GNPDA1: variants seen among roughly 807,000 people sequenced by gnomAD.
GNPDA1 encodes glucosamine-6-phosphate deaminase 1, also known as GNPDA 1.
Under a neutral mutation model 28.5 loss-of-function variants are expected in GNPDA1, and 24 were observed. That is an observed-to-expected ratio of 0.84 (90% CI 0.61 to 1.19). GNPDA1 has a LOEUF of 1.19. Among genes scored for constraint, GNPDA1 ranks in the 50% most tolerant of loss-of-function variants. The probability of loss-of-function intolerance (pLI) is 0.00; values close to 1 mark genes in which losing one functional copy is unlikely to be tolerated. For synonymous variants in GNPDA1, 147 were observed against 139.3 expected (o/e 1.06, Z -0.39); for missense variants, 264 against 367.3 (o/e 0.72, Z 2.30).
intron 2 of GNPDA1, among the ~76,000 whole-genome samples, chr5:142,008,795 A>G (rs1755869487): frequency 6.6e-6 from 1 of 152,220 alleles, no homozygotes; most frequent in South Asian, 2.1e-4. Flanking sequence ...CTGTATATTA[A>G]AAGACTAAAG....
At chr5:142,010,032 G>C (rs1755905002) in intron 2 of GNPDA1, among the ~76,000 whole-genome samples, 2 of 152,208 alleles carry the variant, frequency 1.3e-5, no homozygotes, top group Admixed American at 6.5e-5. Flanking sequence ...TTAGGAGACA[G>C]GATGTTAGCA....
rs183585302 is a variant in GNPDA1 at position 142,009,608 on chromosome 5, G to A, written c.125-1708C>T. On this transcript the variant is annotated intron_variant, in intron 2 of 6. Coordinates refer to ENST00000311337, the MANE Select transcript of GNPDA1 (RefSeq NM_005471.5). ...CCTGCTGAGTGAATGGCAGCTCCCC[G>A]CAGCCCACCCAAAATAATTAGTTGG... is the stretch of plus-strand genomic sequence containing the variant. Among the ~76,000 whole-genome samples the A allele has an allele frequency of 4.9e-4, 74 of 152,100 alleles. No individual in the cohort carries two copies. The East Asian group carries it at 0.011, about 22-fold the overall frequency.
chr5:142,010,333 A>G (rs1463682191), intron 2 of GNPDA1, among the ~76,000 whole-genome samples: 2 of 151,710 alleles, frequency 1.3e-5, no homozygotes, highest in East Asian at 3.9e-4. Context: ...TAATTTTTAT[A>G]TTTTTAGTAG....
At chr5:142,005,607 G>T (rs2127091245) in intron 4 of GNPDA1, among the ~76,000 whole-genome samples, 1 of 152,280 alleles carries the variant, frequency 6.6e-6, no homozygotes, top group Non-Finnish European at 1.5e-5. Flanking sequence ...TTGAAGTATA[G>T]AAGAGTGATC....
intron 2 of GNPDA1, among the ~76,000 whole-genome samples, chr5:142,009,767 T>G (rs1372473369): frequency 6.6e-6 from 1 of 152,146 alleles, no homozygotes; most frequent in Non-Finnish European, 1.5e-5. Context: ...TCTGCTTAAT[T>G]TAGCTGGAGT....
chr5:142,000,940 C>A lies in GNPDA1; in HGVS notation c.*1089G>T, dbSNP rs1413576566. The A allele has an allele frequency of 6.6e-6, 1 of 152,566 alleles. No individual in the cohort carries two copies. The highest frequency in any genetic ancestry group is 1.5e-5 in the Non-Finnish European group (1 of 68,108). 9.5% of individuals were successfully genotyped at this position (152,566 alleles called of 1,614,324 possible). On this transcript the variant is annotated 3_prime_UTR_variant, in exon 7 of 7. Transcript: ENST00000311337. ...AGACAATGAAAGGAAGCCAGAGCAACAGACCACCTTGGGATCCGGGGAGAA... is the reference window on the plus strand; with the variant it reads ...AGACAATGAAAGGAAGCCAGAGCAAAAGACCACCTTGGGATCCGGGGAGAA...
chr5:142,004,798 G>A (rs940549124), intron 5 of GNPDA1, 134 bp downstream of exon 5: 20 of 552,344 alleles, frequency 3.6e-5, no homozygotes, highest in Non-Finnish European at 5.4e-5. Context: ...TGAGTAACAG[G>A]GTCAGCAGGG....
chr5:142,007,712 C>G, intron 3 of GNPDA1, 87 bp downstream of exon 3: 1 of 773,238 alleles, frequency 1.3e-6, no homozygotes, highest in Non-Finnish European at 2.2e-6. Flanking sequence ...TCACTGGCTC[C>G]CCGATTCCTC....
At chr5:142,008,292 C>T (rs1354529237) in intron 2 of GNPDA1, among the ~76,000 whole-genome samples, 1 of 146,552 alleles carries the variant, frequency 6.8e-6, no homozygotes, top group East Asian at 1.9e-4. Flanking sequence ...ACAGTAGCTA[C>T]TCTAAGATAA....
At chr5:142,007,540 TTTA>T (rs1391388863) in intron 3 of GNPDA1, among the ~76,000 whole-genome samples, 2 of 152,168 alleles carry the variant, frequency 1.3e-5, no homozygotes, top group African/African-American at 4.8e-5. Flanking sequence ...TACTCTAATA[TTTA>T]TTAAGTATTT....
chr5:142,012,386 C>T (rs2127100125), intron 1 of GNPDA1: 1 of 181,166 alleles, frequency 5.5e-6, no homozygotes, highest in South Asian at 1.5e-4. Flanking sequence ...GACTTCACGA[C>T]GGGTAATATG....
At chr5:142,006,477 A>C (rs112859418) in intron 3 of GNPDA1, 151 bp from the exon 4 acceptor site, 21 of 590,476 alleles carry the variant, frequency 3.6e-5, no homozygotes, top group Non-Finnish European at 5.7e-5. Context: ...ACCCCTAGCC[A>C]CTCGGCACAG....
At position 142,002,041 on chromosome 5, in the gene GNPDA1, T is replaced by C. The variant is rs1297751618; in HGVS notation, c.858A>G (p.Pro286=). 7 of 1,570,670 alleles carry C rather than the reference T, an allele frequency of 4.5e-6. No homozygotes were observed. The African/African-American group carries it at 8.1e-5, about 18-fold the overall frequency. The change falls in exon 7 of 7, where the codon CCA becomes CCG. Residue 286 remains proline, a synonymous_variant. Transcript: ENST00000311337. The stretch of plus-strand genomic sequence containing the variant: ...GTCCCAGCACAGGCTAATCGCTGTA[T>C]GGTTTCTTCGAAGATTGGCTTTTCT... ...ETEKSQSSKK[P]YSD
chr5:142,004,917 C>A lies in GNPDA1; in HGVS notation c.594+15G>T, dbSNP rs1169080726. 1 of 1,559,552 alleles carries A rather than the reference C, an allele frequency of 6.4e-7. No individual in the cohort carries two copies. Among genetic ancestry groups the A allele is most frequent in the Admixed American group, 1.8e-5 (1 of 56,278 alleles). ...AGTCCACCAGCGCAAGCTGGTGGGG[C>A]CCTTATGCCCTTACCTCTCTAGCAT... On this transcript the variant is annotated intron_variant, in intron 5 of 6. Coordinates refer to ENST00000311337, the MANE Select transcript of GNPDA1 (RefSeq NM_005471.5).
chr5:142,012,091 G>C lies in GNPDA1; in HGVS notation c.-6-50C>G, dbSNP rs116277625. 12,277 of 1,541,376 alleles carry C rather than the reference G, an allele frequency of 8.0e-3. 70 individuals carry two copies. Among genetic ancestry groups the C allele is most frequent in the South Asian group, 0.015 (1,238 of 84,830 alleles). On this transcript the variant is annotated intron_variant, in intron 1 of 6. Transcript: ENST00000311337. ...AGAAAGGAATCAATGGTAAGGGGCA[G>C]AGAAAGAGATGGAGGTGGTGGGAGA...
chr5:142,005,109 G>T lies in GNPDA1; in HGVS notation c.417C>A (p.Gly139=). ...CGTTGAAGGCAATGTGTCCATCAGGGCCGATGCCTATAGGGAGAGAGCCCG... is the reference window on the plus strand; with the variant it reads ...CGTTGAAGGCAATGTGTCCATCAGGTCCGATGCCTATAGGGAGAGAGCCCG... ...GGIELFVGGI[G]PDGHIAFNEP... is the part of the protein sequence containing the mutation. Residue 139 remains glycine, a synonymous_variant, in exon 5 of 7, where the codon GGC becomes GGA. Transcript: ENST00000311337. The T allele has an allele frequency of 6.2e-7, 1 of 1,604,252 alleles. No homozygotes were observed. The highest frequency in any genetic ancestry group is 8.5e-7 in the Non-Finnish European group (1 of 1,171,892).
At chr5:142,005,759 A>G (rs1355358259) in intron 4 of GNPDA1, among the ~76,000 whole-genome samples, 1 of 152,116 alleles carries the variant, frequency 6.6e-6, no homozygotes, top group Admixed American at 6.5e-5. Context: ...GTGAACCTTG[A>G]GTGAGTCACC....
chr5:142,002,599 A>G (rs1388490223), intron 6 of GNPDA1, among the ~76,000 whole-genome samples: 2 of 152,156 alleles, frequency 1.3e-5, no homozygotes, highest in Non-Finnish European at 1.5e-5. Flanking sequence ...CTAAAAATAC[A>G]AAAATTAACT....
At chr5:142,008,977 T>C (rs1300373148) in intron 2 of GNPDA1, among the ~76,000 whole-genome samples, 1 of 152,166 alleles carries the variant, frequency 6.6e-6, no homozygotes, top group Non-Finnish European at 1.5e-5. Flanking sequence ...AATGTCCTTA[T>C]TCTCAGGAGA....
Sources: allele counts gnomAD v4.1 joint callset (sites outside exome capture counted in the v4.1 genomes callset), GRCh38; gene constraint gnomAD v4.1.1; transcripts MANE v1.5; gene names NCBI Gene and HGNC (gene_info 2026-07-23, HGNC 2026-07-21).